Variants in SCP2 observed in about 807,000 individuals in gnomAD.
SCP2 encodes SCP-2/3-oxoacyl-CoA thiolase.
A neutral mutation model predicts 71.4 loss-of-function variants in SCP2; 48 were observed. That is an observed-to-expected ratio of 0.67 (90% CI 0.53 to 0.86). The LOEUF (loss-of-function observed/expected upper bound fraction) is 0.86. SCP2 is among the 40% of genes least tolerant of loss of function. The probability of loss-of-function intolerance (pLI) is 0.00; values close to 1 mark genes in which losing one functional copy is unlikely to be tolerated. For synonymous variants in SCP2, 220 were observed against 218.1 expected, an observed-to-expected ratio of 1.01 and a Z score of -0.08; for missense variants, 560 against 655.6, an observed-to-expected ratio of 0.85 and a Z score of 1.59.
At position 52,961,580 on chromosome 1, in the gene SCP2, T is replaced by C. The variant is rs1378089213; in HGVS notation, c.474T>C (p.Val158=). The C allele has an allele frequency of 1.2e-6, 2 of 1,613,902 alleles. No individual in the cohort carries two copies. The highest frequency in any genetic ancestry group is 1.7e-5 in the Admixed American group (1 of 60,016). Residue 158 remains valine, a synonymous_variant, in exon 6 of 16, where the codon GTT becomes GTC. Coordinates refer to ENST00000371514, the MANE Select transcript of SCP2 (RefSeq NM_002979.5). Reference sequence around the variant, plus strand: ...AGTATGGATTGTCTGCTCACCCAGTTGCTCCTCAGATGTTTGGGTATGCTG... The same window carrying C: ...AGTATGGATTGTCTGCTCACCCAGTCGCTCCTCAGATGTTTGGGTATGCTG... ...INKYGLSAHP[V]APQMFGYAGK... is the part of the protein sequence containing the mutation.
At chr1:52,999,000 C>T (rs1660130112) in intron 11 of SCP2, among the ~76,000 whole-genome samples, 2 of 151,840 alleles carry the variant, frequency 1.3e-5, no homozygotes. Context: ...CTTTGATAAC[C>T]CTTTCTAACA....
chr1:52,945,744 A>AATATATATATATATATATATATAT lies in SCP2; in HGVS notation c.128-2249_128-2248insATATATATATATATATATATATAT, dbSNP rs147167752. On this transcript the variant is annotated intron_variant, in intron 2 of 15. Transcript: ENST00000371514. ...GGAAAAGAATGTTTAAGTTGTGCAT[A>AATATATATATATATATATATATAT]ATATATATATATATATGCCATTATT... Among the ~76,000 whole-genome samples, 939 of 145,262 alleles carry AATATATATATATATATATATATAT rather than the reference A, an allele frequency of 6.5e-3. 24 individuals are homozygous for AATATATATATATATATATATATAT. The highest frequency in any genetic ancestry group is 0.022 in the African/African-American group (826 of 37,878).
At chr1:52,983,816 T>C (rs1457650620) in intron 10 of SCP2, among the ~76,000 whole-genome samples, 1 of 152,248 alleles carries the variant, frequency 6.6e-6, no homozygotes, top group Non-Finnish European at 1.5e-5. Context: ...GATTGTCTTT[T>C]ACCTTGAGAG....
At chr1:52,935,296 A>G (rs1653614678) in intron 1 of SCP2, among the ~76,000 whole-genome samples, 1 of 150,350 alleles carries the variant, frequency 6.7e-6, no homozygotes, top group South Asian at 2.1e-4. Flanking sequence ...AGAAACCTCC[A>G]CTTGGCGGGG....
intron 12 of SCP2, among the ~76,000 whole-genome samples, chr1:53,020,139 G>A (rs1264105990): frequency 6.6e-6 from 1 of 151,734 alleles, no homozygotes; most frequent in African/African-American, 2.4e-5. Context: ...TGCCTGCCTC[G>A]GCCTCCCAAA....
At chr1:53,040,113 A>C (rs1328687962) in intron 14 of SCP2, among the ~76,000 whole-genome samples, 1 of 152,150 alleles carries the variant, frequency 6.6e-6, no homozygotes, top group African/African-American at 2.4e-5. Flanking sequence ...ACCCTGGTCT[A>C]AGCCAGCATC....
Position 52,927,794 on chromosome 1 carries a change from G to A in SCP2, c.69+329G>A, listed in dbSNP as rs530078303. Among the ~76,000 whole-genome samples the A allele has an allele frequency of 2.3e-3, 354 of 152,224 alleles. 3 individuals carry two copies. Among genetic ancestry groups the A allele is most frequent in the African/African-American group, 8.0e-3 (332 of 41,534 alleles). ...CGGAGGGAGGCAGGTCGCGAATGCC[G>A]CCTGCTCGGCCCTCCCAGGAACAGC... is the stretch of plus-strand genomic sequence containing the variant. On this transcript the variant is annotated intron_variant, in intron 1 of 15. Transcript: ENST00000371514.
intron 13 of SCP2, among the ~76,000 whole-genome samples, chr1:53,038,253 TAC>T (rs768927931): frequency 1.6e-4 from 19 of 121,618 alleles, no homozygotes; most frequent in African/African-American, 1.6e-4. Flanking sequence ...TATGTGTGTG[TAC>T]ACACACACAC....
chr1:52,970,968 A>ATTTTTTTTTTTTT (rs1200663958), intron 6 of SCP2, among the ~76,000 whole-genome samples: 3 of 70,968 alleles, frequency 4.2e-5, no homozygotes, highest in Admixed American at 1.8e-4. Context: ...AGAGACACAG[A>ATTTTTTTTTTTTT]TTTTTTTTTT....
chr1:52,999,236 G>A (rs1327394571), intron 11 of SCP2, among the ~76,000 whole-genome samples: 2 of 152,220 alleles, frequency 1.3e-5, no homozygotes, highest in Non-Finnish European at 2.9e-5. Context: ...TAGCTGTAAT[G>A]TGCCCCAAGA....
intron 4 of SCP2, 56 bp from the exon 5 acceptor site, chr1:52,954,684 T>C: frequency 7.5e-7 from 1 of 1,324,998 alleles, no homozygotes; most frequent in Non-Finnish European, 1.1e-6. Context: ...TATTTAATGG[T>C]ATTTTGTTGG....
At chr1:52,982,366 C>T (rs888044836) in intron 10 of SCP2, among the ~76,000 whole-genome samples, 15 of 152,216 alleles carry the variant, frequency 9.9e-5, no homozygotes, top group East Asian at 7.7e-4. Context: ...GTCAGGAGAT[C>T]GAGACCATCC....
In SCP2 at chr1:53,050,970, G is replaced by A. The variant is rs1220971100; in HGVS notation, c.*266G>A. On this transcript the variant is annotated 3_prime_UTR_variant, in exon 16 of 16. Coordinates refer to ENST00000371514, the MANE Select transcript of SCP2 (RefSeq NM_002979.5). ...TGGTCTGGGGTAAAATTGAGTTTCA[G>A]AATAAAATTAGGAACAGTAAAATCC... 2 of 280,626 alleles carry A rather than the reference G, an allele frequency of 7.1e-6. No homozygotes were observed. The allele number at this position is 280,626 out of a possible 1,614,324, so 17.4% of individuals were successfully genotyped here.
chr1:52,996,735 C>A (rs1309796519), intron 11 of SCP2, among the ~76,000 whole-genome samples: 1 of 152,126 alleles, frequency 6.6e-6, no homozygotes, highest in Non-Finnish European at 1.5e-5. Context: ...GGTCCCTAGG[C>A]CTCCAGAAAT....
chr1:52,966,729 C>CAAAAAAAAAA (rs750547811), intron 6 of SCP2, among the ~76,000 whole-genome samples: 15 of 104,582 alleles, frequency 1.4e-4, no homozygotes, highest in African/African-American at 4.9e-4. Context: ...ACTAAAGATA[C>CAAAAAAAAAA]AAAAAAAAAA....
At chr1:53,014,207 G>A (rs963554497) in intron 11 of SCP2, among the ~76,000 whole-genome samples, 58 of 151,784 alleles carry the variant, frequency 3.8e-4, no homozygotes, top group African/African-American at 1.3e-3. Flanking sequence ...GCCCGGCCCT[G>A]ATAGAACATT....
chr1:53,050,409 T>A, intron 15 of SCP2, 200 bp from the exon 16 acceptor site: 1 of 520,886 alleles, frequency 1.9e-6, no homozygotes, highest in Middle Eastern at 5.3e-4. Flanking sequence ...TTTCTGCTGA[T>A]CTGCAAAAAG....
intron 6 of SCP2, among the ~76,000 whole-genome samples, chr1:52,973,100 A>G (rs775127123): frequency 6.6e-6 from 1 of 152,238 alleles, no homozygotes; most frequent in Non-Finnish European, 1.5e-5. Context: ...ACTTTGTAAT[A>G]GAAATATTAA....
chr1:53,050,750 A>G lies in SCP2; in HGVS notation c.*46A>G. ...TTGAAAATCAAGATGAGATATATAG[A>G]TATATATCCATACATTTTATTGTCA... On this transcript the variant is annotated 3_prime_UTR_variant, in exon 16 of 16. Transcript: ENST00000371514. 8.8e-7 allele frequency: 1 copy of G among 1,132,924 alleles called. No individual in the cohort carries two copies. Among genetic ancestry groups the G allele is most frequent in the Non-Finnish European group, 1.3e-6 (1 of 743,340 alleles). 70.2% of individuals were successfully genotyped at this position (1,132,924 alleles called of 1,614,324 possible).
Sources: gnomAD v4.1 joint callset for allele counts (sites outside exome capture counted in the v4.1 genomes callset) on GRCh38, gnomAD v4.1.1 for gene constraint, MANE v1.5 for transcripts, NCBI Gene and HGNC (gene_info 2026-07-23, HGNC 2026-07-21) for gene names.